Variants in TMEFF1 observed in about 807,000 individuals in gnomAD.
TMEFF1 encodes tomoregulin-1.
A neutral mutation model predicts 47.5 loss-of-function variants in TMEFF1; 20 were observed. The ratio of observed to expected loss-of-function variants is 0.42; its 90% CI spans 0.30 to 0.61. The LOEUF is 0.61. TMEFF1 is among the 20% of genes least tolerant of loss of function. The probability of loss-of-function intolerance (pLI) is 0.19; values close to 1 mark genes in which losing one functional copy is unlikely to be tolerated. For missense variants in TMEFF1, 411 were observed against 471.1 expected (o/e 0.87, Z 1.18); for synonymous variants, 162 against 166.3 (o/e 0.97, Z 0.20).
Position 100,473,393 on chromosome 9 carries a change from C to T in TMEFF1, c.-152C>T, listed in dbSNP as rs1033536036. 2.0e-4 allele frequency: 100 copies of T among 501,504 alleles called. 1 individual carries two copies. The highest frequency in any genetic ancestry group is 5.6e-5 in the Non-Finnish European group (19 of 340,040). The allele number at this position is 501,504 out of a possible 1,614,324, so 31.1% of individuals were successfully genotyped here. On this transcript the variant is annotated 5_prime_UTR_variant, in exon 1 of 10. Transcript: ENST00000374879. The surrounding 1 kb of genome is among the most constrained non-coding windows in gnomAD (Gnocchi z 5.4). Reference sequence around the variant, plus strand: ...GCCGCGGGCCCGGGCCTGGCGGACGCTGCGGGTGGGGCGGGGATGCTGACG... The same window carrying T: ...GCCGCGGGCCCGGGCCTGGCGGACGTTGCGGGTGGGGCGGGGATGCTGACG...
At chr9:100,480,647 T>G (rs1837322749) in intron 1 of TMEFF1, among the ~76,000 whole-genome samples, 1 of 152,112 alleles carries the variant, frequency 6.6e-6, no homozygotes, top group Admixed American at 6.6e-5. Context: ...TAATGGATTA[T>G]GGGTGTGATT....
chr9:100,482,629 A>G (rs914337907), intron 1 of TMEFF1, among the ~76,000 whole-genome samples: 2 of 152,146 alleles, frequency 1.3e-5, no homozygotes, highest in Non-Finnish European at 2.9e-5. Flanking sequence ...AGCCTCTTTT[A>G]TTGATCTTTT....
rs144871858 is a variant in TMEFF1 at position 100,546,281 on chromosome 9, A to C, written c.561-1463A>C. ...GGCCTCACAATCATGGTGGAAGGCA[A>C]GGAGGAGCAAGTCACATCTTACGTG... On this transcript the variant is annotated intron_variant, in intron 5 of 9. Coordinates refer to ENST00000374879, the MANE Select transcript of TMEFF1 (RefSeq NM_003692.5). 6.5e-3 allele frequency among the ~76,000 whole-genome samples: 986 copies of C among 152,290 alleles called. 7 individuals carry two copies. The highest frequency in any genetic ancestry group is 0.023 in the African/African-American group (949 of 41,560).
chr9:100,499,688 G>A (rs1336379781), intron 2 of TMEFF1, among the ~76,000 whole-genome samples: 1 of 152,170 alleles, frequency 6.6e-6, no homozygotes, highest in Non-Finnish European at 1.5e-5. Flanking sequence ...TTCTGTATGA[G>A]CTCAGGTAAT....
chr9:100,498,268 C>G (rs746099257), intron 1 of TMEFF1, among the ~76,000 whole-genome samples: 31 of 152,084 alleles, frequency 2.0e-4, no homozygotes, highest in Admixed American at 1.2e-3. Flanking sequence ...ATTCACTGTT[C>G]TTTTGTAGTT....
Position 100,497,320 on chromosome 9 carries a change from C to CTTTTTTT in TMEFF1, c.197-1427_197-1421dup, listed in dbSNP as rs752427622. ...TCTTGCTTTAAGTTTCCACTCATGT[C>CTTTTTTT]TTTTTTTTTTTTTTTTTTTTTTTTG... On this transcript the variant is annotated intron_variant, in intron 1 of 9. Coordinates refer to ENST00000374879, the MANE Select transcript of TMEFF1 (RefSeq NM_003692.5). Among the ~76,000 whole-genome samples the CTTTTTTT allele has an allele frequency of 8.3e-3, 491 of 59,478 alleles. 28 individuals are homozygous for CTTTTTTT. Among genetic ancestry groups the CTTTTTTT allele is most frequent in the African/African-American group, 0.011 (155 of 14,670 alleles). 39.0% of individuals were successfully genotyped at this position (59,478 alleles called of 152,430 possible). A position where few individuals can be genotyped will look rare whatever the true frequency, so the allele number is the denominator to read the frequency against.
intron 5 of TMEFF1, among the ~76,000 whole-genome samples, chr9:100,521,640 A>G (rs1838161979): frequency 6.6e-6 from 1 of 152,210 alleles, no homozygotes; most frequent in Admixed American, 6.5e-5. Flanking sequence ...GATAGTGGGG[A>G]CACATAATCA....
chr9:100,515,894 G>A (rs962517592), intron 4 of TMEFF1, among the ~76,000 whole-genome samples: 2 of 152,128 alleles, frequency 1.3e-5, no homozygotes, highest in African/African-American at 2.4e-5. Context: ...AAATCCTTAA[G>A]TTGATTTCAG....
intron 5 of TMEFF1, among the ~76,000 whole-genome samples, chr9:100,530,482 CT>C: frequency 6.6e-6 from 1 of 152,270 alleles, no homozygotes; most frequent in East Asian, 1.9e-4. Flanking sequence ...ACTAGAAAAT[CT>C]AGAAGAAATG....
chr9:100,538,085 C>T (rs568484250), intron 5 of TMEFF1, among the ~76,000 whole-genome samples: 1 of 151,842 alleles, frequency 6.6e-6, no homozygotes, highest in Non-Finnish European at 1.5e-5. Context: ...GAGACAGACT[C>T]TCATGTTGCC....
intron 1 of TMEFF1, among the ~76,000 whole-genome samples, chr9:100,479,116 C>T (rs1360483422): frequency 2.6e-5 from 4 of 152,060 alleles, no homozygotes; most frequent in Non-Finnish European, 5.9e-5. Flanking sequence ...TGGGGAATCT[C>T]GGGCAGGGCT....
chr9:100,493,089 C>T (rs1011992961), intron 1 of TMEFF1, among the ~76,000 whole-genome samples: 1 of 152,000 alleles, frequency 6.6e-6, no homozygotes, highest in African/African-American at 2.4e-5. Context: ...CCTCTCCCCC[C>T]CACAGGATGT....
At chr9:100,568,495 A>G (rs1470975500) in intron 8 of TMEFF1, among the ~76,000 whole-genome samples, 1 of 152,212 alleles carries the variant, frequency 6.6e-6, no homozygotes, top group Non-Finnish European at 1.5e-5. Flanking sequence ...GTTTCATAAC[A>G]GTAATAACTG....
At position 100,540,649 on chromosome 9, in the gene TMEFF1, G is replaced by A. The variant is rs1449037369; in HGVS notation, c.561-7095G>A. ...TCGAGGCCAAGGAGGTGCTGAGAGCGGGTGAGGGCTGCTAGCACGTTGTCA... is the reference window on the plus strand; with the variant it reads ...TCGAGGCCAAGGAGGTGCTGAGAGCAGGTGAGGGCTGCTAGCACGTTGTCA... On this transcript the variant is annotated intron_variant, in intron 5 of 9. Transcript: ENST00000374879. Among the ~76,000 whole-genome samples, 11 of 152,244 alleles carry A rather than the reference G, an allele frequency of 7.2e-5. No homozygotes were observed. The South Asian group carries it at 1.0e-3, about 14-fold the overall frequency.
chr9:100,478,425 A>G (rs1407574468), intron 1 of TMEFF1, among the ~76,000 whole-genome samples: 2 of 152,018 alleles, frequency 1.3e-5, no homozygotes, highest in Non-Finnish European at 2.9e-5. Flanking sequence ...GGCTCAGGTG[A>G]TTCTCAGCCT....
At chr9:100,485,365 T>A (rs77972280) in intron 1 of TMEFF1, among the ~76,000 whole-genome samples, 3,331 of 152,336 alleles carry the variant, frequency 0.022, 101 homozygotes, top group African/African-American at 0.076. Flanking sequence ...ACTCCATGTT[T>A]AACATTTTGA....
chr9:100,483,933 G>T (rs1198739429), intron 1 of TMEFF1, among the ~76,000 whole-genome samples: 1 of 151,654 alleles, frequency 6.6e-6, no homozygotes, highest in Non-Finnish European at 1.5e-5. Context: ...TATAATGATA[G>T]GTTTATTTTT....
chr9:100,473,853 T>G lies in TMEFF1; in HGVS notation c.196+113T>G, dbSNP rs1334729996. 6 of 1,281,906 alleles carry G rather than the reference T, an allele frequency of 4.7e-6. No homozygotes were observed. Among genetic ancestry groups the G allele is most frequent in the Non-Finnish European group, 6.1e-6 (6 of 987,998 alleles). 79.4% of individuals were successfully genotyped at this position (1,281,906 alleles called of 1,614,324 possible). On this transcript the variant is annotated intron_variant, in intron 1 of 9. Transcript: ENST00000374879. This position sits in a 1 kb window ranked among gnomAD's most constrained non-coding sequence, Gnocchi z 5.4. ...GACCCCGTCGTGGGGGTCCCAGGGG[T>G]GGGCCCGAGGGTGAGCGAGGGCGGA...
chr9:100,511,858 G>A (rs756690446), intron 3 of TMEFF1, among the ~76,000 whole-genome samples: 22 of 152,076 alleles, frequency 1.4e-4, no homozygotes, highest in South Asian at 2.1e-4. Context: ...GGGGCAATGC[G>A]TACCATTTAC....
Sources: gnomAD v4.1 joint callset for allele counts (sites outside exome capture counted in the v4.1 genomes callset) on GRCh38, gnomAD v4.1.1 for gene constraint, Gnocchi (gnomAD v3.1) non-coding constraint, MANE v1.5 for transcripts, NCBI Gene and HGNC (gene_info 2026-07-23, HGNC 2026-07-21) for gene names.